MSRA: variants seen among roughly 807,000 people sequenced by gnomAD.
The protein encoded by MSRA is mitochondrial peptide methionine sulfoxide reductase.
Under a neutral mutation model 31.3 loss-of-function variants are expected in MSRA, and 54 were observed. The observed-to-expected ratio is 1.73, with a 90% CI of 1.39 to 2.17. MSRA has a LOEUF of 2.17. MSRA is among the 30% of genes most tolerant of loss of function. The pLI is 0.00. For missense variants in MSRA, 507 were observed against 300.9 expected (o/e 1.69, Z -5.07); for synonymous variants, 169 against 116.5 (o/e 1.45, Z -2.90).
At chr8:10,137,435 T>C (rs1341021581) in intron 1 of MSRA, among the ~76,000 whole-genome samples, 1 of 152,214 alleles carries the variant, frequency 6.6e-6, no homozygotes, top group Non-Finnish European at 1.5e-5. Context: ...GCCTCAAATA[T>C]ACACCTGGAA....
At chr8:10,250,427 T>C (rs1563269189) in intron 3 of MSRA, 3 of 701,862 alleles carry the variant, frequency 4.3e-6, no homozygotes, top group Non-Finnish European at 7.8e-6. Flanking sequence ...TTACAGATGT[T>C]CAGAACAATT....
intron 1 of MSRA, among the ~76,000 whole-genome samples, chr8:10,156,804 C>T (rs1240223581): frequency 7.4e-6 from 1 of 135,564 alleles, no homozygotes; most frequent in African/African-American, 2.8e-5. Context: ...CGATAAGCTT[C>T]ATTCCTTTTT....
chr8:10,178,145 C>T (rs1046440498), intron 1 of MSRA, among the ~76,000 whole-genome samples: 1 of 152,134 alleles, frequency 6.6e-6, no homozygotes, highest in East Asian at 1.9e-4. Flanking sequence ...AAGAGGCTGC[C>T]TAATTATCCA....
At chr8:10,183,738 A>T (rs569538619) in intron 1 of MSRA, among the ~76,000 whole-genome samples, 21 of 147,572 alleles carry the variant, frequency 1.4e-4, no homozygotes, top group African/African-American at 5.3e-4. Context: ...TGCGAGCTAA[A>T]GAGGACGGTG....
rs150769789 is a variant in MSRA at position 10,229,012 on chromosome 8, A to G, written c.212-16092A>G. On this transcript the variant is annotated intron_variant, in intron 2 of 5. Transcript: ENST00000317173. ...AAGTTGAGGAGAAGAAAAAAAGACG[A>G]AAAAAGATCTTGATTCTCTTTATCA... Among the ~76,000 whole-genome samples, 395 of 152,354 alleles carry G rather than the reference A, an allele frequency of 2.6e-3. 4 individuals are homozygous for G. The highest frequency in any genetic ancestry group is 9.1e-3 in the African/African-American group (378 of 41,588).
At chr8:10,278,511 T>C (rs565589741) in intron 3 of MSRA, among the ~76,000 whole-genome samples, 15 of 152,326 alleles carry the variant, frequency 9.8e-5, no homozygotes, top group African/African-American at 3.6e-4. Context: ...CATAACCCCA[T>C]TGAAATCTAC....
intron 1 of MSRA, among the ~76,000 whole-genome samples, chr8:10,200,204 C>T (rs994309806): frequency 5.9e-5 from 9 of 152,144 alleles, no homozygotes; most frequent in African/African-American, 4.8e-5. Flanking sequence ...TCGTGGAGGG[C>T]GGGGTTGACT....
chr8:10,131,074 C>T (rs1801860728), intron 1 of MSRA, among the ~76,000 whole-genome samples: 1 of 152,150 alleles, frequency 6.6e-6, no homozygotes, highest in South Asian at 2.1e-4. Flanking sequence ...CACATTCTTG[C>T]CTATTGCTTT....
rs140613326 is a variant in MSRA, at chr8:10,095,477, C to A, written c.142+40819C>A. The stretch of plus-strand genomic sequence containing the variant: ...ATCCGCAAAGGACATCTTTTGGAGA[C>A]AAGAATTCAGACAGACTGGCACAGC... On this transcript the variant is annotated intron_variant, in intron 1 of 5. Transcript: ENST00000317173. 9.8e-5 allele frequency: 97 copies of A among 985,302 alleles called. No individual in the cohort carries two copies. In the African/African-American group the frequency reaches 1.2e-3, roughly 12 times the overall value. 61.0% of individuals were successfully genotyped at this position (985,302 alleles called of 1,614,324 possible). A position where few individuals can be genotyped will look rare whatever the true frequency, so the allele number is the denominator to read the frequency against.
At chr8:10,356,454 C>T (rs1377515347) in intron 5 of MSRA, among the ~76,000 whole-genome samples, 1 of 152,244 alleles carries the variant, frequency 6.6e-6, no homozygotes, top group Non-Finnish European at 1.5e-5. Context: ...CTCACCCTTC[C>T]CAATTCTTGT....
At chr8:10,410,429 C>G (rs1808086032) in intron 5 of MSRA, among the ~76,000 whole-genome samples, 1 of 152,232 alleles carries the variant, frequency 6.6e-6, no homozygotes, top group Non-Finnish European at 1.5e-5. Flanking sequence ...TCATAATTCC[C>G]ACAGTGTGAC....
chr8:10,158,113 C>G (rs908703256), intron 1 of MSRA, among the ~76,000 whole-genome samples: 3 of 152,148 alleles, frequency 2.0e-5, no homozygotes, highest in African/African-American at 7.2e-5. Context: ...CTGGAAGGGC[C>G]TCTTTTATAA....
At chr8:10,325,146 C>T (rs1406108222) in intron 5 of MSRA, among the ~76,000 whole-genome samples, 3 of 152,078 alleles carry the variant, frequency 2.0e-5, no homozygotes, top group East Asian at 1.9e-4. Flanking sequence ...CTTCTCACTC[C>T]GATCCAGGGA....
At chr8:10,369,138 T>A (rs1301488382) in intron 5 of MSRA, among the ~76,000 whole-genome samples, 6 of 152,138 alleles carry the variant, frequency 3.9e-5, no homozygotes, top group Non-Finnish European at 8.8e-5. Context: ...AGTGACTGAG[T>A]ATTTAAGGAT....
intron 5 of MSRA, among the ~76,000 whole-genome samples, chr8:10,379,589 T>A (rs935182664): frequency 2.0e-5 from 3 of 151,946 alleles, no homozygotes; most frequent in Non-Finnish European, 2.9e-5. Context: ...CCTCTTCCCC[T>A]CTGGCACCCT....
chr8:10,384,257 AC>A (rs1247017111), intron 5 of MSRA, among the ~76,000 whole-genome samples: 2 of 152,044 alleles, frequency 1.3e-5, no homozygotes, highest in Non-Finnish European at 2.9e-5. Flanking sequence ...ATCTCCCTGT[AC>A]CCCAGCCTGC....
At chr8:10,154,121 T>C (rs554674017) in intron 1 of MSRA, among the ~76,000 whole-genome samples, 1 of 152,304 alleles carries the variant, frequency 6.6e-6, no homozygotes, top group African/African-American at 2.4e-5. Context: ...TGTATATTTG[T>C]TGAAAGTAGA....
intron 5 of MSRA, among the ~76,000 whole-genome samples, chr8:10,380,627 C>T (rs1806010702): frequency 6.6e-6 from 1 of 152,090 alleles, no homozygotes; most frequent in Non-Finnish European, 1.5e-5. Flanking sequence ...AGACTGAGGG[C>T]CATTTTTTCA....
At chr8:10,116,570 T>C (rs1800696586) in intron 1 of MSRA, among the ~76,000 whole-genome samples, 1 of 152,110 alleles carries the variant, frequency 6.6e-6, no homozygotes, top group Non-Finnish European at 1.5e-5. Context: ...AGTAGACAAA[T>C]CACTTGGATA....
Sources: gnomAD v4.1 joint callset for allele counts (sites outside exome capture counted in the v4.1 genomes callset) on GRCh38, gnomAD v4.1.1 for gene constraint, MANE v1.5 for transcripts, NCBI Gene and HGNC (gene_info 2026-07-23, HGNC 2026-07-21) for gene names.